Variants in PDE4B observed in about 807,000 individuals in gnomAD.
PDE4B encodes the protein phosphodiesterase 4B.
A neutral mutation model predicts 82.2 loss-of-function variants in PDE4B; 20 were observed. That is an observed-to-expected ratio of 0.24 (90% CI 0.17 to 0.35). PDE4B has a LOEUF of 0.35. PDE4B is among the 10% of genes least tolerant of loss of function. PDE4B has a pLI of 1.00. For missense variants in PDE4B, 655 were observed against 907.2 expected, an observed-to-expected ratio of 0.72 and a Z score of 3.57; for synonymous variants, 320 against 318.9, an observed-to-expected ratio of 1.00 and a Z score of -0.04.
intron 3 of PDE4B, chr1:66,042,553 T>G (rs574286080): frequency 6.6e-6 from 1 of 151,840 alleles, no homozygotes; most frequent in Non-Finnish European, 1.5e-5. Flanking sequence ...GAACAATAAG[T>G]TAAAAGAAAG....
chr1:66,212,532 C>A (rs980950984), intron 3 of PDE4B, among the ~76,000 whole-genome samples: 1 of 152,130 alleles, frequency 6.6e-6, no homozygotes, highest in Non-Finnish European at 1.5e-5. Context: ...CTACACTACT[C>A]GTTTTACTTT....
intron 3 of PDE4B, among the ~76,000 whole-genome samples, chr1:66,041,670 G>A (rs2100829394): frequency 6.6e-6 from 1 of 151,928 alleles, no homozygotes; most frequent in South Asian, 2.1e-4. Flanking sequence ...TCTGCTACGT[G>A]CTCCAGTTAG....
chr1:66,297,029 G>A (rs1329572265), intron 7 of PDE4B, among the ~76,000 whole-genome samples: 1 of 152,142 alleles, frequency 6.6e-6, no homozygotes, highest in Non-Finnish European at 1.5e-5. Context: ...AAGTTCTACA[G>A]TTCTGTTTTT....
chr1:66,025,193 A>G (rs1312567510), intron 3 of PDE4B, among the ~76,000 whole-genome samples: 3 of 152,128 alleles, frequency 2.0e-5, no homozygotes, highest in African/African-American at 2.4e-5. Flanking sequence ...ACATATTAGA[A>G]CTCACCAAGT....
intron 7 of PDE4B, among the ~76,000 whole-genome samples, chr1:66,292,262 G>C (rs1255725862): frequency 2.6e-5 from 4 of 152,134 alleles, no homozygotes; most frequent in Non-Finnish European, 5.9e-5. Flanking sequence ...GTTTATCTTT[G>C]CTGAATAGTG....
intron 7 of PDE4B, among the ~76,000 whole-genome samples, chr1:66,314,255 T>G (rs1213933526): frequency 6.6e-6 from 1 of 152,224 alleles, no homozygotes; most frequent in Admixed American, 6.5e-5. Context: ...GAGAGCCATC[T>G]TACATCCTCC....
chr1:66,119,556 A>G (rs753609362), intron 3 of PDE4B, among the ~76,000 whole-genome samples: 24 of 151,982 alleles, frequency 1.6e-4, no homozygotes, highest in Admixed American at 9.8e-4. Context: ...GTGTTATAGG[A>G]CTCTGCCCAT....
intron 1 of PDE4B, among the ~76,000 whole-genome samples, chr1:65,855,643 A>G (rs761817374): frequency 2.6e-5 from 4 of 152,196 alleles, no homozygotes; most frequent in Non-Finnish European, 5.9e-5. Context: ...GGTATGTCTT[A>G]ATATTCAGTG....
At chr1:65,897,162 A>T (rs1191026684) in intron 1 of PDE4B, among the ~76,000 whole-genome samples, 1 of 152,156 alleles carries the variant, frequency 6.6e-6, no homozygotes, top group Non-Finnish European at 1.5e-5. Flanking sequence ...CAGTTTCAGA[A>T]GCGTCAAATA....
intron 3 of PDE4B, among the ~76,000 whole-genome samples, chr1:66,038,568 C>T (rs1447749722): frequency 6.6e-6 from 1 of 152,004 alleles, no homozygotes; most frequent in African/African-American, 2.4e-5. Flanking sequence ...AAAAAGATAT[C>T]TGCAAGATAT....
chr1:66,361,788 G>T lies in PDE4B; in HGVS notation c.1015G>T (p.Ala339Ser). The change falls in exon 10 of 17, where the codon GCC becomes TCC. Residue 339 changes from alanine to serine, a missense_variant. Around this residue, in one of 3 missense-constraint regions of PDE4B, gnomAD observed 283 missense variants for 516.4 expected, o/e 0.55. Transcript: ENST00000341517. ...GVNTENEDHL[A>S]KELEDLNKWG... ...CAACACTGAAAATGAAGATCACCTG[G>T]CCAAGGTGTGTATAAGCTCAGGTTT... is the stretch of plus-strand genomic sequence containing the variant. 1 of 1,610,792 alleles carries T rather than the reference G, an allele frequency of 6.2e-7. No individual in the cohort carries two copies. The highest frequency in any genetic ancestry group is 8.5e-7 in the Non-Finnish European group (1 of 1,177,956).
chr1:66,328,638 G>C (rs1042959574), intron 7 of PDE4B, among the ~76,000 whole-genome samples: 1 of 152,196 alleles, frequency 6.6e-6, no homozygotes, highest in Non-Finnish European at 1.5e-5. Context: ...TCACCTGCCT[G>C]TCTCCCTGGA....
chr1:66,265,999 G>A lies in PDE4B; in HGVS notation c.585-39G>A, dbSNP rs1204410460. 2.6e-6 allele frequency: 4 copies of A among 1,555,234 alleles called. No homozygotes were observed. In the African/African-American group the frequency reaches 5.4e-5, roughly 21 times the overall value. ...TGTCGGGGGTGGAATGGGCAGTTTT[G>A]ATACACAGACTCAGTCCTTCTTTTC... On this transcript the variant is annotated intron_variant, in intron 6 of 16. Coordinates refer to ENST00000341517, the MANE Select transcript of PDE4B (RefSeq NM_002600.4).
At position 65,913,277 on chromosome 1, in the gene PDE4B, A is replaced by G; in HGVS notation, c.-38A>G. 1.9e-6 allele frequency: 3 copies of G among 1,597,044 alleles called. No individual in the cohort carries two copies. Among genetic ancestry groups the G allele is most frequent in the Non-Finnish European group, 2.6e-6 (3 of 1,164,670 alleles). On this transcript the variant is annotated 5_prime_UTR_variant, in exon 2 of 17. In the 5' UTR this introduces an upstream ATG that the reference lacks. Coordinates refer to ENST00000341517, the MANE Select transcript of PDE4B (RefSeq NM_002600.4). The stretch of plus-strand genomic sequence containing the variant: ...AAAGTGTCAGCAAACTGCATTGAAT[A>G]ACAGACATCCTAAGAGGGGATATTT...
chr1:66,196,600 A>C (rs1648314367), intron 3 of PDE4B, among the ~76,000 whole-genome samples: 1 of 152,198 alleles, frequency 6.6e-6, no homozygotes, highest in South Asian at 2.1e-4. Flanking sequence ...TTTAGTGAGA[A>C]AGTTTGTCAC....
At chr1:66,011,327 T>C (rs1652475862) in intron 3 of PDE4B, among the ~76,000 whole-genome samples, 1 of 152,032 alleles carries the variant, frequency 6.6e-6, no homozygotes, top group African/African-American at 2.4e-5. Context: ...TGAATATTTA[T>C]TCTTTAATTG....
At chr1:66,298,337 A>G (rs982896915) in intron 7 of PDE4B, among the ~76,000 whole-genome samples, 9 of 152,254 alleles carry the variant, frequency 5.9e-5, no homozygotes, top group Admixed American at 2.0e-4. Context: ...TGACTACCTA[A>G]TAGGCCTTAC....
At chr1:66,156,974 C>T (rs1452013492) in intron 3 of PDE4B, among the ~76,000 whole-genome samples, 1 of 152,122 alleles carries the variant, frequency 6.6e-6, no homozygotes, top group Non-Finnish European at 1.5e-5. Flanking sequence ...GCTGATGGCT[C>T]CCAATTTCTA....
intron 3 of PDE4B, among the ~76,000 whole-genome samples, chr1:66,164,988 C>T (rs986066703): frequency 6.6e-6 from 1 of 152,018 alleles, no homozygotes; most frequent in Non-Finnish European, 1.5e-5. Context: ...GTCTCGATCT[C>T]CTGACCTTGA....
Sources: allele counts gnomAD v4.1 joint callset (sites outside exome capture counted in the v4.1 genomes callset), GRCh38; gene constraint gnomAD v4.1.1; regional missense constraint gnomAD v4.1.1; transcripts MANE v1.5; gene names NCBI Gene and HGNC (gene_info 2026-07-23, HGNC 2026-07-21).